FHIT: variants seen among roughly 807,000 people sequenced by gnomAD.
FHIT encodes the protein fragile histidine triad diadenosine triphosphatase.
In FHIT, 19 loss-of-function variants were observed where a neutral mutation model predicts 17.9. The observed-to-expected ratio is 1.06, with a 90% CI of 0.74 to 1.56. FHIT has a LOEUF of 1.56. Ranked by LOEUF, FHIT falls within the 40% of genes most tolerant of loss-of-function variation. The probability of loss-of-function intolerance (pLI) is 0.00; values close to 1 mark genes in which losing one functional copy is unlikely to be tolerated. For missense variants in FHIT, 248 were observed against 189.2 expected (o/e 1.31, Z -1.82); for synonymous variants, 81 against 69.7 (o/e 1.16, Z -0.81).
rs1336663883 is a variant in FHIT at position 60,204,463 on chromosome 3, G to GT, written c.104-190312dup. 2.9e-3 allele frequency among the ~76,000 whole-genome samples: 412 copies of GT among 140,980 alleles called. 3 individuals are homozygous for GT. Among genetic ancestry groups the GT allele is most frequent in the African/African-American group, 9.0e-3 (350 of 39,036 alleles). The allele number at this position is 140,980 out of a possible 152,430, so 92.5% of individuals were successfully genotyped here. On this transcript the variant is annotated intron_variant, in intron 5 of 9. Coordinates refer to ENST00000492590, the MANE Select transcript of FHIT (RefSeq NM_002012.4). ...ATTCTGGTTTTTTTTTTTTTGTTTT[G>GT]TTTTTTTAGTAGAGATGGAGTTTCA...
At chr3:60,717,987 TG>T (rs1485442593) in intron 4 of FHIT, among the ~76,000 whole-genome samples, 1 of 152,204 alleles carries the variant, frequency 6.6e-6, no homozygotes, top group Non-Finnish European at 1.5e-5. Context: ...AAATAGCCAA[TG>T]TTTTTTAAAA....
intron 2 of FHIT, among the ~76,000 whole-genome samples, chr3:61,080,741 G>A (rs1016604046): frequency 2.6e-5 from 4 of 151,650 alleles, no homozygotes; most frequent in East Asian, 1.9e-4. Context: ...TTTTTCTTTC[G>A]GTGCCAAAAA....
At chr3:61,203,107 G>T (rs1335790377) in intron 1 of FHIT, among the ~76,000 whole-genome samples, 2 of 151,526 alleles carry the variant, frequency 1.3e-5, no homozygotes, top group African/African-American at 4.9e-5. Flanking sequence ...GTGAACCTGG[G>T]AGGCGGGGCT....
chr3:60,610,818 C>G (rs907482663), intron 4 of FHIT, among the ~76,000 whole-genome samples: 1 of 152,190 alleles, frequency 6.6e-6, no homozygotes, highest in Non-Finnish European at 1.5e-5. Flanking sequence ...TGCTCTCACC[C>G]TACGCCAGTC....
intron 7 of FHIT, among the ~76,000 whole-genome samples, chr3:59,999,370 T>C (rs1699639996): frequency 6.6e-6 from 1 of 152,152 alleles, no homozygotes; most frequent in African/African-American, 2.4e-5. Context: ...GGTCACGCAC[T>C]AGAGGGAACC....
At chr3:59,888,980 C>T (rs978409877) in intron 8 of FHIT, among the ~76,000 whole-genome samples, 1 of 152,140 alleles carries the variant, frequency 6.6e-6, no homozygotes, top group African/African-American at 2.4e-5. Context: ...TTACAAGAAA[C>T]CTACTCCCAT....
chr3:60,735,651 A>G (rs1553712390), intron 4 of FHIT, among the ~76,000 whole-genome samples: 1 of 152,226 alleles, frequency 6.6e-6, no homozygotes, highest in Non-Finnish European at 1.5e-5. Context: ...AAACTAAGAG[A>G]TGATAGAGAC....
intron 5 of FHIT, among the ~76,000 whole-genome samples, chr3:60,384,370 A>G (rs1490174695): frequency 6.6e-6 from 1 of 152,170 alleles, no homozygotes; most frequent in Admixed American, 6.5e-5. Flanking sequence ...TGATGATATA[A>G]AGTAGAATTA....
At chr3:60,731,486 T>C (rs1266967475) in intron 4 of FHIT, among the ~76,000 whole-genome samples, 1 of 152,176 alleles carries the variant, frequency 6.6e-6, no homozygotes, top group Non-Finnish European at 1.5e-5. Context: ...ACTTCCAGGG[T>C]CTTGCCTCCC....
At chr3:61,194,703 T>C (rs910308322) in intron 2 of FHIT, among the ~76,000 whole-genome samples, 2 of 152,006 alleles carry the variant, frequency 1.3e-5, no homozygotes, top group African/African-American at 4.8e-5. Context: ...CTTTAAAGAG[T>C]TGAGATTCCC....
rs566328272 is a variant in FHIT, at chr3:59,911,248, T to G, written c.348+11098A>C. On this transcript the variant is annotated intron_variant, in intron 8 of 9. Coordinates refer to ENST00000492590, the MANE Select transcript of FHIT (RefSeq NM_002012.4). ...TTTCCCAGGTTTAGATTTTTCAAAT[T>G]AATTAGATCAGTTGTCCAAGTTTTA... 3.3e-5 allele frequency among the ~76,000 whole-genome samples: 5 copies of G among 152,340 alleles called. No individual in the cohort carries two copies. The South Asian group carries it at 1.0e-3, about 32-fold the overall frequency.
intron 3 of FHIT, among the ~76,000 whole-genome samples, chr3:60,830,160 A>C (rs1357865906): frequency 2.0e-5 from 3 of 151,998 alleles, no homozygotes; most frequent in Admixed American, 2.0e-4. Flanking sequence ...AGATTTATTC[A>C]TATCTCTGGG....
intron 8 of FHIT, among the ~76,000 whole-genome samples, chr3:59,881,373 T>G (rs1378552746): frequency 6.6e-6 from 1 of 152,170 alleles, no homozygotes; most frequent in Admixed American, 6.5e-5. Context: ...AAAAATGTCT[T>G]TTAAGAGACA....
chr3:61,210,078 T>C (rs866044859), intron 1 of FHIT, among the ~76,000 whole-genome samples: 1 of 152,230 alleles, frequency 6.6e-6, no homozygotes, highest in Non-Finnish European at 1.5e-5. Context: ...GGGGGTCCAC[T>C]CCAGACTCTG....
chr3:60,916,704 A>C (rs1553767176), intron 3 of FHIT, among the ~76,000 whole-genome samples: 1 of 152,204 alleles, frequency 6.6e-6, no homozygotes, highest in African/African-American at 2.4e-5. Flanking sequence ...ATATTTTTAC[A>C]TAACATCAGC....
chr3:60,663,283 T>G (rs1355717918), intron 4 of FHIT, among the ~76,000 whole-genome samples: 1 of 151,180 alleles, frequency 6.6e-6, no homozygotes, highest in Non-Finnish European at 1.5e-5. Flanking sequence ...AGAATTTTGT[T>G]AGAAATTTAA....
In FHIT at chr3:60,525,307, C is replaced by T. The variant is rs2035530862; in HGVS notation, c.103+11553G>A. ...ATTTAATAATTAAAAGAATATTCCT[C>T]TACCTAACCATCCTGTTTTGAACCA... On this transcript the variant is annotated intron_variant, in intron 5 of 9. Coordinates refer to ENST00000492590, the MANE Select transcript of FHIT (RefSeq NM_002012.4). Among the ~76,000 whole-genome samples, 4 of 152,298 alleles carry T rather than the reference C, an allele frequency of 2.6e-5. No individual in the cohort carries two copies. The South Asian group carries it at 6.2e-4, about 24-fold the overall frequency.
At chr3:60,362,387 C>A (rs78860817) in intron 5 of FHIT, among the ~76,000 whole-genome samples, 3,271 of 152,124 alleles carry the variant, frequency 0.022, 95 homozygotes, top group African/African-American at 0.069. Flanking sequence ...CTTTTCTGTT[C>A]GGATTTTTTT....
At chr3:60,258,397 C>CA (rs1395062812) in intron 5 of FHIT, among the ~76,000 whole-genome samples, 1 of 152,068 alleles carries the variant, frequency 6.6e-6, no homozygotes, top group Non-Finnish European at 1.5e-5. Flanking sequence ...TCCTCTTCTT[C>CA]AAAATGTTCT....
Sources: gnomAD v4.1 joint callset for allele counts (sites outside exome capture counted in the v4.1 genomes callset) on GRCh38, gnomAD v4.1.1 for gene constraint, MANE v1.5 for transcripts, NCBI Gene and HGNC (gene_info 2026-07-23, HGNC 2026-07-21) for gene names.